Variants in TENM3 observed in about 807,000 individuals in gnomAD.
TENM3 encodes the protein teneurin-3.
TENM3 carries 63 observed loss-of-function variants against 255.1 expected under a neutral mutation model. The ratio of observed to expected loss-of-function variants is 0.25; its 90% CI spans 0.20 to 0.30. The LOEUF (loss-of-function observed/expected upper bound fraction) is 0.30. Ranked by LOEUF, TENM3 falls within the 10% of genes least tolerant of loss-of-function variation. The pLI, the probability that TENM3 is intolerant of heterozygous loss-of-function variation, is 1.00. For missense variants in TENM3, 2,929 were observed against 3,461.1 expected, an observed-to-expected ratio of 0.85 and a Z score of 3.86; for synonymous variants, 1,306 against 1,322.3, an observed-to-expected ratio of 0.99 and a Z score of 0.27.
chr4:182,112,042 G>A, the TENM3 span, among the ~76,000 whole-genome samples: 25 of 152,106 alleles, frequency 1.6e-4, no homozygotes, highest in Non-Finnish European at 2.8e-4. Context: ...GTAATCCCAC[G>A]GCTTTAGGAA....
chr4:182,487,181 G>A (rs1734839585), intron 3 of TENM3, among the ~76,000 whole-genome samples: 1 of 152,146 alleles, frequency 6.6e-6, no homozygotes, highest in Admixed American at 6.5e-5. Flanking sequence ...GCCATAGCTA[G>A]CCCTTTTTAT....
the TENM3 span, among the ~76,000 whole-genome samples, chr4:181,487,552 G>A: frequency 6.6e-6 from 1 of 151,978 alleles, no homozygotes; most frequent in South Asian, 2.1e-4. Context: ...TTTTTACGAG[G>A]GTAATAATCT....
chr4:181,838,010 C>T, the TENM3 span, among the ~76,000 whole-genome samples: 58 of 152,084 alleles, frequency 3.8e-4, no homozygotes, highest in African/African-American at 1.4e-3. Flanking sequence ...TTGTGGTGCA[C>T]GCCTGTAATC....
chr4:181,643,050 T>C, the TENM3 span, among the ~76,000 whole-genome samples: 1 of 152,196 alleles, frequency 6.6e-6, no homozygotes, highest in Non-Finnish European at 1.5e-5. Flanking sequence ...AGAAAGTTAA[T>C]GGTAGCTTGA....
intron 3 of TENM3, among the ~76,000 whole-genome samples, chr4:182,398,781 C>T (rs1171620483): frequency 1.3e-5 from 2 of 152,204 alleles, no homozygotes; most frequent in East Asian, 3.8e-4. Flanking sequence ...AAAAGGAAGT[C>T]ATTACAATAG....
the TENM3 span, among the ~76,000 whole-genome samples, chr4:181,873,753 T>A: frequency 6.6e-6 from 1 of 151,852 alleles, no homozygotes; most frequent in Non-Finnish European, 1.5e-5. Context: ...TGTGTGTGTG[T>A]GTGTGTGTGT....
At chr4:181,521,187 T>C in the TENM3 span, among the ~76,000 whole-genome samples, 1 of 152,256 alleles carries the variant, frequency 6.6e-6, no homozygotes, top group East Asian at 1.9e-4. Context: ...CCTGGCGCCC[T>C]GTCTCTTGAG....
the TENM3 span, among the ~76,000 whole-genome samples, chr4:182,132,931 AC>A: frequency 6.6e-6 from 1 of 152,156 alleles, no homozygotes; most frequent in African/African-American, 2.4e-5. Flanking sequence ...AATAATAGTA[AC>A]GACTTGTGAA....
chr4:181,605,554 GAAAGAAAGAAAGAA>G, the TENM3 span, among the ~76,000 whole-genome samples: 935 of 28,152 alleles, frequency 0.033, 133 homozygotes, highest in Admixed American at 0.058. Context: ...AAGAAAGAAA[GAAAGAAAGAAAGAA>G]AGAGAGAGAA....
chr4:182,425,491 G>T (rs1389523932), intron 3 of TENM3, among the ~76,000 whole-genome samples: 1 of 152,120 alleles, frequency 6.6e-6, no homozygotes, highest in Non-Finnish European at 1.5e-5. Flanking sequence ...CATTAAAAAG[G>T]GAGGGGCTTG....
At chr4:182,382,892 C>G (rs544233020) in intron 3 of TENM3, among the ~76,000 whole-genome samples, 6 of 152,202 alleles carry the variant, frequency 3.9e-5, no homozygotes, top group African/African-American at 1.4e-4. Flanking sequence ...GATGTTCAGG[C>G]TGATCACCCT....
chr4:181,481,729 G>A, the TENM3 span, among the ~76,000 whole-genome samples: 126 of 152,218 alleles, frequency 8.3e-4, no homozygotes, highest in African/African-American at 2.7e-3. Context: ...CACTCTCTGA[G>A]GCACTGAGCA....
At chr4:182,726,176 C>CT (rs1760162803) in intron 13 of TENM3, among the ~76,000 whole-genome samples, 1 of 152,074 alleles carries the variant, frequency 6.6e-6, no homozygotes, top group Admixed American at 6.5e-5. Context: ...ACTTTATAAA[C>CT]TTAATTCAGA....
chr4:182,069,686 A>ACACACACACACAC, the TENM3 span, among the ~76,000 whole-genome samples: 45 of 149,556 alleles, frequency 3.0e-4, no homozygotes, highest in African/African-American at 1.1e-3. Context: ...TAGATGCATA[A>ACACACACACACAC]ACACACACAC....
At chr4:181,579,307 C>G in the TENM3 span, among the ~76,000 whole-genome samples, 70 of 152,266 alleles carry the variant, frequency 4.6e-4, no homozygotes, top group African/African-American at 1.4e-3. Flanking sequence ...CCACTCCCCC[C>G]ACATCTACTC....
chr4:182,386,482 T>C (rs1196577985), intron 3 of TENM3, among the ~76,000 whole-genome samples: 11 of 152,224 alleles, frequency 7.2e-5, no homozygotes, highest in Admixed American at 3.9e-4. Flanking sequence ...CCCTTCGGCC[T>C]GCCACTGCAC....
At chr4:182,255,297 C>T (rs1021259210) in intron 1 of TENM3, among the ~76,000 whole-genome samples, 3 of 152,072 alleles carry the variant, frequency 2.0e-5, no homozygotes, top group African/African-American at 7.2e-5. Context: ...ACCCCCAAAG[C>T]ACAAACTTTG....
At chr4:182,698,638 C>G (rs909234210) in intron 12 of TENM3, among the ~76,000 whole-genome samples, 1 of 152,206 alleles carries the variant, frequency 6.6e-6, no homozygotes, top group Non-Finnish European at 1.5e-5. Flanking sequence ...CGGTTTCTGT[C>G]CCTTAGAATG....
At chr4:182,214,730 T>G (rs1358383641) in intron 1 of TENM3, among the ~76,000 whole-genome samples, 1 of 152,026 alleles carries the variant, frequency 6.6e-6, no homozygotes, top group African/African-American at 2.4e-5. Flanking sequence ...TTTCTCCTTA[T>G]CAACAAATTT....
Sources: allele counts gnomAD v4.1 joint callset (sites outside exome capture counted in the v4.1 genomes callset), GRCh38; gene constraint gnomAD v4.1.1; transcripts MANE v1.5; gene names NCBI Gene and HGNC (gene_info 2026-07-23, HGNC 2026-07-21).